The following XPR1 variants were observed in gnomAD, a reference collection of about 807,000 sequenced individuals.
The protein encoded by XPR1 is xenotropic and polytropic retrovirus receptor 1, also known as solute carrier family 53 member 1.
Under a neutral mutation model 87.5 loss-of-function variants are expected in XPR1, and 28 were observed. The observed-to-expected ratio is 0.32, with a 90% confidence interval of 0.24 to 0.44. The LOEUF (loss-of-function observed/expected upper bound fraction) is 0.44. Among genes scored for constraint, XPR1 ranks in the 20% least tolerant of loss-of-function variants. XPR1 has a pLI of 1.00. For synonymous variants in XPR1, 300 were observed against 306.1 expected, an observed-to-expected ratio of 0.98 and a Z score of 0.21; for missense variants, 559 against 862.3, an observed-to-expected ratio of 0.65 and a Z score of 4.41.
intron 1 of XPR1, among the ~76,000 whole-genome samples, chr1:180,677,815 C>T (rs1371513509): frequency 6.6e-6 from 1 of 152,182 alleles, no homozygotes; most frequent in Non-Finnish European, 1.5e-5. Context: ...ACGTTCCTCC[C>T]AAAGTTAGTT....
chr1:180,778,476 C>A (rs908022341), intron 2 of XPR1, among the ~76,000 whole-genome samples: 1 of 152,166 alleles, frequency 6.6e-6, no homozygotes, highest in Non-Finnish European at 1.5e-5. Flanking sequence ...GTTTCTCAGC[C>A]TTGATACTGT....
intron 2 of XPR1, among the ~76,000 whole-genome samples, chr1:180,704,274 A>ATATATATATATATT (rs1378621484): frequency 7.1e-6 from 1 of 141,690 alleles, no homozygotes; most frequent in African/African-American, 2.6e-5. Context: ...ATATATATAT[A>ATATATATATATATT]TATTATCAGA....
chr1:180,686,661 A>G (rs1301816774), intron 2 of XPR1, among the ~76,000 whole-genome samples: 3 of 152,194 alleles, frequency 2.0e-5, no homozygotes, highest in Non-Finnish European at 2.9e-5. Flanking sequence ...GAGTGCAAAA[A>G]AATATATATC....
At chr1:180,663,199 G>T (rs1305672007) in intron 1 of XPR1, among the ~76,000 whole-genome samples, 1 of 152,174 alleles carries the variant, frequency 6.6e-6, no homozygotes, top group African/African-American at 2.4e-5. Flanking sequence ...TTGTTCGTTG[G>T]TGTTTGGGCA....
At chr1:180,639,265 G>A (rs1654885686) in intron 1 of XPR1, among the ~76,000 whole-genome samples, 1 of 151,812 alleles carries the variant, frequency 6.6e-6, no homozygotes, top group Non-Finnish European at 1.5e-5. Flanking sequence ...TCCAGCCTGG[G>A]TGACAGAGTG....
Position 180,825,273 on chromosome 1 carries a change from A to G in XPR1, c.1063A>G (p.Met355Val). The G allele has an allele frequency of 2.5e-6, 4 of 1,613,974 alleles. No homozygotes were observed. Among genetic ancestry groups the G allele is most frequent in the Non-Finnish European group, 2.5e-6 (3 of 1,179,942 alleles). The change falls in exon 9 of 15, where the codon ATG becomes GTG. Residue 355 changes from methionine (M) to valine (V), a missense_variant. Met to Val is a conservative substitution (Grantham distance 21). This residue lies in a region of XPR1 where 264 missense variants were observed against 377.2 expected (regional missense o/e 0.70). Coordinates refer to ENST00000367590, the MANE Select transcript of XPR1 (RefSeq NM_004736.4). ...YVYPLALYGF[M>V]VFFLINPTKT... Reference sequence around the variant, plus strand: ...GTATCCACTTGCCCTTTATGGATTTATGGTTTTCTTCCTTATCAACCCCAC... The same window carrying G: ...GTATCCACTTGCCCTTTATGGATTTGTGGTTTTCTTCCTTATCAACCCCAC...
At chr1:180,782,197 T>C (rs75127788) in intron 2 of XPR1, among the ~76,000 whole-genome samples, 2,622 of 152,066 alleles carry the variant, frequency 0.017, 76 homozygotes, top group African/African-American at 0.059. Flanking sequence ...AATCTTACAA[T>C]TGTTGATATA....
At chr1:180,689,463 T>C (rs1304839955) in intron 2 of XPR1, among the ~76,000 whole-genome samples, 4 of 152,174 alleles carry the variant, frequency 2.6e-5, no homozygotes, top group Non-Finnish European at 5.9e-5. Flanking sequence ...TCAATAAATT[T>C]CTCTCCTAAT....
intron 4 of XPR1, among the ~76,000 whole-genome samples, chr1:180,804,550 A>G (rs1173627104): frequency 6.6e-6 from 1 of 152,186 alleles, no homozygotes; most frequent in Admixed American, 6.5e-5. Context: ...ATGAGTGGTT[A>G]GGATCATCAT....
At chr1:180,754,128 A>G (rs1027320233) in intron 2 of XPR1, among the ~76,000 whole-genome samples, 9 of 152,298 alleles carry the variant, frequency 5.9e-5, no homozygotes, top group Middle Eastern at 3.4e-3. Flanking sequence ...CCATATGACT[A>G]TTTGAAAGTG....
In XPR1 at chr1:180,886,285, T is replaced by G. The variant is rs1488878813; in HGVS notation, c.*2219T>G. 6.6e-6 allele frequency: 1 copy of G among 152,234 alleles called. No homozygotes were observed. The highest frequency in any genetic ancestry group is 1.5e-5 in the Non-Finnish European group (1 of 68,044). The allele number at this position is 152,234 out of a possible 1,614,324, so 9.4% of individuals were successfully genotyped here. A position where few individuals can be genotyped will look rare whatever the true frequency, so the allele number is the denominator to read the frequency against. On this transcript the variant is annotated 3_prime_UTR_variant, in exon 15 of 15. Transcript: ENST00000367590. ...AGCAGTAATTATTACTGAGTTAAAT[T>G]GAAAAGTCCAGTGGACCAGGCATTT...
At chr1:180,641,671 G>T (rs1411215400) in intron 1 of XPR1, among the ~76,000 whole-genome samples, 1 of 152,086 alleles carries the variant, frequency 6.6e-6, no homozygotes, top group Non-Finnish European at 1.5e-5. Flanking sequence ...TCTGATTTTA[G>T]TTCTTTTCAA....
At chr1:180,686,803 T>C (rs1656797637) in intron 2 of XPR1, among the ~76,000 whole-genome samples, 1 of 152,194 alleles carries the variant, frequency 6.6e-6, no homozygotes, top group Non-Finnish European at 1.5e-5. Flanking sequence ...AATAAAACTG[T>C]AGATTTATAG....
At chr1:180,865,902 C>A (rs1358006581) in intron 12 of XPR1, among the ~76,000 whole-genome samples, 1 of 152,108 alleles carries the variant, frequency 6.6e-6, no homozygotes, top group South Asian at 2.1e-4. Context: ...TGCTGGATCA[C>A]CACATTCCTT....
At chr1:180,662,339 A>G (rs1655806516) in intron 1 of XPR1, among the ~76,000 whole-genome samples, 1 of 152,030 alleles carries the variant, frequency 6.6e-6, no homozygotes, top group Non-Finnish European at 1.5e-5. Context: ...ATCAGCTTTT[A>G]TTTGACCGGA....
At chr1:180,757,669 A>G in intron 2 of XPR1, among the ~76,000 whole-genome samples, 1 of 151,876 alleles carries the variant, frequency 6.6e-6, no homozygotes, top group East Asian at 1.9e-4. Flanking sequence ...GGTGCACACC[A>G]CCATGCCTGG....
chr1:180,712,674 C>T (rs574695488), intron 2 of XPR1, among the ~76,000 whole-genome samples: 22 of 152,090 alleles, frequency 1.4e-4, no homozygotes, highest in African/African-American at 3.6e-4. Flanking sequence ...GGTGTGGTGG[C>T]GTGCACCTGT....
chr1:180,826,786 A>G (rs577449290), intron 9 of XPR1, among the ~76,000 whole-genome samples: 34 of 152,212 alleles, frequency 2.2e-4, no homozygotes, highest in African/African-American at 8.2e-4. Flanking sequence ...TATGTTAGCA[A>G]AGGTTTTTTT....
intron 2 of XPR1, among the ~76,000 whole-genome samples, chr1:180,764,205 C>T (rs1262551517): frequency 6.6e-6 from 1 of 152,128 alleles, no homozygotes; most frequent in Non-Finnish European, 1.5e-5. Flanking sequence ...TGTACACAAG[C>T]TGTTTAATGC....
Sources: gnomAD v4.1 joint callset for allele counts (sites outside exome capture counted in the v4.1 genomes callset) on GRCh38, gnomAD v4.1.1 for gene constraint, gnomAD v4.1.1 regional missense constraint, MANE v1.5 for transcripts, NCBI Gene and HGNC (gene_info 2026-07-23, HGNC 2026-07-21) for gene names.